MYO18B: variants seen among roughly 807,000 people sequenced by gnomAD.
The protein encoded by MYO18B is unconventional myosin-XVIIIb.
A neutral mutation model predicts 273.0 loss-of-function variants in MYO18B; 204 were observed. That is an observed-to-expected ratio of 0.75 (90% CI 0.67 to 0.84). The LOEUF (loss-of-function observed/expected upper bound fraction) is 0.84. Among genes scored for constraint, MYO18B ranks in the 40% least tolerant of loss-of-function variants. The pLI, the probability that MYO18B is intolerant of heterozygous loss-of-function variation, is 0.00. For missense variants in MYO18B, 3,212 were observed against 3,287.6 expected (o/e 0.98, Z 0.56); for synonymous variants, 1,330 against 1,305.7 (o/e 1.02, Z -0.40).
intron 17 of MYO18B, among the ~76,000 whole-genome samples, chr22:25,837,777 T>C (rs541038700): frequency 6.6e-6 from 1 of 152,208 alleles, no homozygotes; most frequent in Non-Finnish European, 1.5e-5. Flanking sequence ...CCCAGAGAGC[T>C]CGGCTCTGCC....
At chr22:25,978,372 A>G (rs1239491058) in intron 39 of MYO18B, among the ~76,000 whole-genome samples, 1 of 152,212 alleles carries the variant, frequency 6.6e-6, no homozygotes, top group African/African-American at 2.4e-5. Context: ...GTTCAAAGGC[A>G]CAGAGGCATC....
the MYO18B span, among the ~76,000 whole-genome samples, chr22:26,043,891 C>T: frequency 6.6e-5 from 10 of 152,214 alleles, no homozygotes; most frequent in African/African-American, 2.4e-4. Flanking sequence ...CCTCAGCCTC[C>T]TGAGGGTTAC....
chr22:26,059,825 C>T, the MYO18B span, among the ~76,000 whole-genome samples: 1 of 152,138 alleles, frequency 6.6e-6, no homozygotes, highest in African/African-American at 2.4e-5. Flanking sequence ...TCCCTTGTGC[C>T]TGGAGCTCTT....
At chr22:26,020,301 T>C (rs937278419) in intron 42 of MYO18B, among the ~76,000 whole-genome samples, 5 of 151,950 alleles carry the variant, frequency 3.3e-5, no homozygotes, top group Non-Finnish European at 5.9e-5. Context: ...AGAGATAAAA[T>C]GATGGGGCCC....
intron 13 of MYO18B, among the ~76,000 whole-genome samples, chr22:25,825,861 A>T (rs967850132): frequency 1.1e-4 from 17 of 152,222 alleles, no homozygotes; most frequent in Non-Finnish European, 2.4e-4. Context: ...CAGTATACGA[A>T]CATTTTATGG....
chr22:25,926,049 T>TA (rs2092416482), intron 34 of MYO18B, among the ~76,000 whole-genome samples: 1 of 149,330 alleles, frequency 6.7e-6, no homozygotes, highest in East Asian at 2.0e-4. Flanking sequence ...ACTAAAAATA[T>TA]AAAAAATTAG....
At chr22:25,977,560 A>G (rs923935726) in intron 39 of MYO18B, among the ~76,000 whole-genome samples, 2 of 152,120 alleles carry the variant, frequency 1.3e-5, no homozygotes, top group African/African-American at 2.4e-5. Context: ...GAAAGGAAGG[A>G]CTTTGAGGCC....
intron 10 of MYO18B, among the ~76,000 whole-genome samples, 189 bp downstream of exon 10, chr22:25,782,023 A>G (rs551199519): frequency 5.9e-5 from 9 of 152,358 alleles, no homozygotes; most frequent in African/African-American, 2.2e-4. Context: ...GTCACATGTC[A>G]TCCACCCTGA....
chr22:25,909,238 G>A (rs1042834819), intron 32 of MYO18B, among the ~76,000 whole-genome samples: 2 of 152,158 alleles, frequency 1.3e-5, no homozygotes, highest in Admixed American at 6.5e-5. Flanking sequence ...GTTAAGCCTC[G>A]TTTAACAGGT....
chr22:25,962,328 C>G (rs1213169820), intron 39 of MYO18B, among the ~76,000 whole-genome samples: 2 of 152,156 alleles, frequency 1.3e-5, no homozygotes, highest in African/African-American at 4.8e-5. Context: ...TCTTGTCTTC[C>G]TAGAGAGAGA....
chr22:25,743,295 CCAA>C (rs1352609146), intron 1 of MYO18B, among the ~76,000 whole-genome samples: 1 of 152,228 alleles, frequency 6.6e-6, no homozygotes, highest in African/African-American at 2.4e-5. Context: ...CTTCTAGACT[CCAA>C]CAAGGATAAT....
Position 25,787,233 on chromosome 22 carries a change from GA to G in MYO18B, c.2376+1751del, listed in dbSNP as rs550182874. Among the ~76,000 whole-genome samples, 16 of 147,600 alleles carry G rather than the reference GA, an allele frequency of 1.1e-4. No individual in the cohort carries two copies. In the East Asian group the frequency reaches 1.2e-3, roughly 11 times the overall value. ...CTGTCTCAGAAAAAAAAAGAAAAAA[GA>G]AAAAAAAATTGCTAAGCCTGTGTGC... On this transcript the variant is annotated intron_variant, in intron 11 of 43. Coordinates refer to ENST00000335473, the MANE Select transcript of MYO18B (RefSeq NM_032608.7).
rs143335842 is a variant in MYO18B, at chr22:25,922,143, C to T, written c.5517+734C>T. On this transcript the variant is annotated intron_variant, in intron 34 of 43. Transcript: ENST00000335473. ...ACTTCATTTCACAAGTGCAGGTGAT[C>T]GGGTGGCAGAAAGGTACGATGACCC... is the stretch of plus-strand genomic sequence containing the variant. Among the ~76,000 whole-genome samples, 40 of 152,148 alleles carry T rather than the reference C, an allele frequency of 2.6e-4. No homozygotes were observed. The East Asian group carries it at 4.3e-3, about 16-fold the overall frequency.
chr22:26,006,213 G>A (rs1310816169), intron 42 of MYO18B, among the ~76,000 whole-genome samples: 1 of 152,104 alleles, frequency 6.6e-6, no homozygotes, highest in South Asian at 2.1e-4. Context: ...CAGATGAATT[G>A]CAGCCTAACC....
the MYO18B span, among the ~76,000 whole-genome samples, chr22:26,052,149 A>G: frequency 2.6e-5 from 4 of 152,230 alleles, no homozygotes; most frequent in East Asian, 7.7e-4. Context: ...CTTTGCTGGA[A>G]TGGAAATTGG....
intron 8 of MYO18B, among the ~76,000 whole-genome samples, chr22:25,779,815 C>T (rs912902644): frequency 6.6e-6 from 1 of 152,210 alleles, no homozygotes. Flanking sequence ...TCTTGTTTCC[C>T]CTACACTAGA....
At chr22:26,005,767 G>T (rs533562655) in intron 42 of MYO18B, among the ~76,000 whole-genome samples, 10 of 152,316 alleles carry the variant, frequency 6.6e-5, no homozygotes, top group African/African-American at 2.4e-4. Flanking sequence ...CTCAAAACGT[G>T]TTTGCTTTGA....
At chr22:25,864,414 T>G (rs1203693108) in intron 21 of MYO18B, among the ~76,000 whole-genome samples, 2 of 152,216 alleles carry the variant, frequency 1.3e-5, no homozygotes, top group Non-Finnish European at 2.9e-5. Flanking sequence ...AATATCTCCC[T>G]TATATGCTAC....
Position 25,752,373 on chromosome 22 carries a change from G to C in MYO18B, c.-109-8611G>C, listed in dbSNP as rs193127707. Among the ~76,000 whole-genome samples, 101 of 151,132 alleles carry C rather than the reference G, an allele frequency of 6.7e-4. No homozygotes were observed. In the East Asian group the frequency reaches 9.2e-3, roughly 14 times the overall value. On this transcript the variant is annotated intron_variant, in intron 1 of 43. Transcript: ENST00000335473. The stretch of plus-strand genomic sequence containing the variant: ...CGGCTAATTTTTTGTATTTTTAGTA[G>C]AGACGGGGTTTCACCGTTTTAGCCG...
Sources: allele counts gnomAD v4.1 joint callset (sites outside exome capture counted in the v4.1 genomes callset), GRCh38; gene constraint gnomAD v4.1.1; transcripts MANE v1.5; gene names NCBI Gene and HGNC (gene_info 2026-07-23, HGNC 2026-07-21).